UGGT2: variants seen among roughly 807,000 people sequenced by gnomAD.
UGGT2 encodes UDP-glucose glycoprotein glucosyltransferase 2.
In UGGT2, 180 loss-of-function variants were observed where a neutral mutation model predicts 192.1. That is an observed-to-expected ratio of 0.94 (90% CI 0.83 to 1.06). UGGT2 has a LOEUF of 1.06. Ranked by LOEUF, UGGT2 falls within the 50% of genes least tolerant of loss-of-function variation. UGGT2 has a pLI of 0.00. For missense variants in UGGT2, 1,849 were observed against 1,795.7 expected (o/e 1.03, Z -0.54); for synonymous variants, 580 against 591.0 (o/e 0.98, Z 0.27).
At chr13:95,952,658 T>C (rs905446463) in intron 12 of UGGT2, among the ~76,000 whole-genome samples, 5 of 152,218 alleles carry the variant, frequency 3.3e-5, no homozygotes, top group African/African-American at 9.6e-5. Context: ...TATGATCTTA[T>C]TGAAACCTAT....
At chr13:96,040,599 T>C (rs2053136510) in intron 1 of UGGT2, among the ~76,000 whole-genome samples, 1 of 152,126 alleles carries the variant, frequency 6.6e-6, no homozygotes, top group Non-Finnish European at 1.5e-5. Flanking sequence ...TGACTTAGGG[T>C]TACCTCCCAA....
rs1006631351 is a variant in UGGT2 at position 96,025,664 on chromosome 13, T to C, written c.242-1905A>G. ...AGTCTTATGTTGTCCATCTGATTCCTGAAACTGTGGCAAGCTAAGTTTTTA... is the reference window on the plus strand; with the variant it reads ...AGTCTTATGTTGTCCATCTGATTCCCGAAACTGTGGCAAGCTAAGTTTTTA... On this transcript the variant is annotated intron_variant, in intron 2 of 38. Coordinates refer to ENST00000376747, the MANE Select transcript of UGGT2 (RefSeq NM_020121.4). Among the ~76,000 whole-genome samples the C allele has an allele frequency of 3.8e-4, 58 of 152,144 alleles. 1 individual carries two copies. Among genetic ancestry groups the C allele is most frequent in the African/African-American group, 1.4e-3 (56 of 41,438 alleles).
At chr13:95,820,506 ATC>A (rs1314125348) in intron 38 of UGGT2, among the ~76,000 whole-genome samples, 1 of 152,216 alleles carries the variant, frequency 6.6e-6, no homozygotes, top group Non-Finnish European at 1.5e-5. Flanking sequence ...TACAGTTTTC[ATC>A]TATGAATATT....
At chr13:96,004,177 A>G (rs61972958) in intron 5 of UGGT2, among the ~76,000 whole-genome samples, 5 of 54,652 alleles carry the variant, frequency 9.1e-5, no homozygotes, top group Non-Finnish European at 2.5e-4. Flanking sequence ...CAACTCTAGG[A>G]AAAAAAAAAA....
rs868184209 is a variant in UGGT2 at position 96,019,134 on chromosome 13, G to A, written c.485+3906C>T. 4.1e-5 allele frequency among the ~76,000 whole-genome samples: 5 copies of A among 121,966 alleles called. No homozygotes were observed. In the South Asian group the frequency reaches 1.7e-3, roughly 42 times the overall value. 80.0% of individuals were successfully genotyped at this position (121,966 alleles called of 152,430 possible). Reference sequence around the variant, plus strand: ...TTGCCCTACATAGCGGGGGGGGGGGGGGGGAATGTTTCTGTCAGGCTGTAG... The same window carrying A: ...TTGCCCTACATAGCGGGGGGGGGGGAGGGGAATGTTTCTGTCAGGCTGTAG... On this transcript the variant is annotated intron_variant, in intron 4 of 38. Coordinates refer to ENST00000376747, the MANE Select transcript of UGGT2 (RefSeq NM_020121.4).
chr13:95,818,063 T>G (rs944078999), intron 38 of UGGT2, among the ~76,000 whole-genome samples: 13 of 152,124 alleles, frequency 8.5e-5, no homozygotes, highest in Non-Finnish European at 1.8e-4. Context: ...TCCCAACGTT[T>G]TGGGAGGCCA....
At chr13:95,981,966 G>A (rs1465420408) in intron 10 of UGGT2, among the ~76,000 whole-genome samples, 1 of 152,184 alleles carries the variant, frequency 6.6e-6, no homozygotes, top group Non-Finnish European at 1.5e-5. Flanking sequence ...TCTTTTCAGT[G>A]TTCTCTGGAA....
intron 4 of UGGT2, among the ~76,000 whole-genome samples, chr13:96,015,746 G>A (rs1039218763): frequency 9.9e-5 from 15 of 152,156 alleles, no homozygotes; most frequent in African/African-American, 3.4e-4. Flanking sequence ...CTTACCTAGA[G>A]ATTTTAGTTC....
intron 38 of UGGT2, among the ~76,000 whole-genome samples, chr13:95,813,007 G>C (rs1364307518): frequency 6.6e-6 from 1 of 152,178 alleles, no homozygotes; most frequent in African/African-American, 2.4e-5. Context: ...TTGGCACCAT[G>C]CTTGTACAGC....
At chr13:95,828,084 T>C (rs1024094535) in intron 38 of UGGT2, among the ~76,000 whole-genome samples, 4 of 152,146 alleles carry the variant, frequency 2.6e-5, no homozygotes, top group African/African-American at 9.7e-5. Flanking sequence ...GTTTTCATTC[T>C]GTTTCCTCAT....
chr13:95,803,139 C>T (rs1566528381), intron 38 of UGGT2, among the ~76,000 whole-genome samples: 2 of 151,792 alleles, frequency 1.3e-5, no homozygotes. Context: ...CAGCCGATAG[C>T]CTGGTATCTA....
chr13:95,947,850 T>A (rs1217144542), intron 14 of UGGT2, 146 bp downstream of exon 14: 1 of 585,972 alleles, frequency 1.7e-6, no homozygotes, highest in Non-Finnish European at 3.1e-6. Flanking sequence ...TAAAGGTATA[T>A]AATACTTCAC....
intron 20 of UGGT2, among the ~76,000 whole-genome samples, chr13:95,905,132 G>A (rs556381597): frequency 6.6e-6 from 1 of 151,890 alleles, no homozygotes; most frequent in South Asian, 2.1e-4. Flanking sequence ...CGCCCACTTT[G>A]TGATGGGGTT....
intron 38 of UGGT2, chr13:95,809,584 C>A: frequency 3.8e-6 from 1 of 264,280 alleles, no homozygotes; most frequent in Non-Finnish European, 7.7e-6. Context: ...GCTGTCCCTT[C>A]GGTGGAGCTG....
At chr13:95,951,041 C>G (rs1196261516) in intron 12 of UGGT2, among the ~76,000 whole-genome samples, 1 of 152,040 alleles carries the variant, frequency 6.6e-6, no homozygotes, top group Non-Finnish European at 1.5e-5. Flanking sequence ...TTCAGATAAT[C>G]CAGGTATGAG....
intron 20 of UGGT2, 27 bp from the exon 21 acceptor site, chr13:95,903,087 G>A: frequency 6.3e-7 from 1 of 1,590,982 alleles, no homozygotes; most frequent in Non-Finnish European, 8.5e-7. Context: ...AGATTAAAAA[G>A]ACCAGTATCA....
intron 12 of UGGT2, among the ~76,000 whole-genome samples, chr13:95,961,797 C>T (rs1015063586): frequency 1.3e-5 from 2 of 152,100 alleles, no homozygotes; most frequent in East Asian, 1.9e-4. Flanking sequence ...TTCTTCTTAC[C>T]AGCAGATGGA....
In UGGT2 at chr13:96,018,978, C is replaced by T. The variant is rs1009065060; in HGVS notation, c.485+4062G>A. 4.6e-5 allele frequency among the ~76,000 whole-genome samples: 7 copies of T among 150,904 alleles called. No individual in the cohort carries two copies. In the South Asian group the frequency reaches 8.4e-4, roughly 18 times the overall value. On this transcript the variant is annotated intron_variant, in intron 4 of 38. Transcript: ENST00000376747. ...AAATTAAAATATTTATATTACTATA[C>T]ATAACCTATGTAAAAACATAAATTA...
chr13:95,915,270 G>T (rs1436221862), intron 20 of UGGT2, among the ~76,000 whole-genome samples: 1 of 152,092 alleles, frequency 6.6e-6, no homozygotes, highest in Non-Finnish European at 1.5e-5. Context: ...ATTTAAAATT[G>T]TAATCTGTCT....
Sources: allele counts gnomAD v4.1 joint callset (sites outside exome capture counted in the v4.1 genomes callset), GRCh38; gene constraint gnomAD v4.1.1; transcripts MANE v1.5; gene names NCBI Gene and HGNC (gene_info 2026-07-23, HGNC 2026-07-21).